Variants in OSBPL10 observed in about 807,000 individuals in gnomAD.
The protein encoded by OSBPL10 is oxysterol binding protein like 10.
Under a neutral mutation model 81.7 loss-of-function variants are expected in OSBPL10, and 49 were observed. The ratio of observed to expected loss-of-function variants is 0.60; its 90% CI spans 0.48 to 0.76. The LOEUF (loss-of-function observed/expected upper bound fraction) is 0.76, where lower values mean the gene tolerates loss of function less well. OSBPL10 is among the 30% of genes least tolerant of loss of function. The pLI is 0.00. For missense variants in OSBPL10, 923 were observed against 987.8 expected, an observed-to-expected ratio of 0.93 and a Z score of 0.88; for synonymous variants, 419 against 383.6, an observed-to-expected ratio of 1.09 and a Z score of -1.08.
intron 7 of OSBPL10, among the ~76,000 whole-genome samples, chr3:31,693,204 C>A (rs1575480044): frequency 6.6e-6 from 1 of 152,146 alleles, no homozygotes; most frequent in South Asian, 2.1e-4. Context: ...TTGTGGGGTT[C>A]ATTTCCAGGA....
At chr3:31,918,740 G>T (rs1354147691) in intron 1 of OSBPL10, among the ~76,000 whole-genome samples, 1 of 152,134 alleles carries the variant, frequency 6.6e-6, no homozygotes, top group African/African-American at 2.4e-5. Context: ...GTGGAATGCA[G>T]GCCCACTACT....
chr3:31,937,362 A>T (rs1489918548), intron 1 of OSBPL10, among the ~76,000 whole-genome samples: 1 of 152,150 alleles, frequency 6.6e-6, no homozygotes, highest in African/African-American at 2.4e-5. Flanking sequence ...ACTCTTGGTT[A>T]TATGGATTTG....
At chr3:31,988,483 C>A (rs1263586610) in intron 2 of OSBPL10, among the ~76,000 whole-genome samples, 1 of 152,180 alleles carries the variant, frequency 6.6e-6, no homozygotes, top group Non-Finnish European at 1.5e-5. Context: ...AGAGGTGAAA[C>A]TTAATTCCTC....
At chr3:31,882,727 C>T (rs1695619588) in intron 1 of OSBPL10, among the ~76,000 whole-genome samples, 1 of 152,126 alleles carries the variant, frequency 6.6e-6, no homozygotes, top group South Asian at 2.1e-4. Flanking sequence ...CTTGGGAGAG[C>T]CTGGGTCCCT....
At chr3:32,032,007 C>G (rs1046498818) in intron 2 of OSBPL10, among the ~76,000 whole-genome samples, 1 of 152,094 alleles carries the variant, frequency 6.6e-6, no homozygotes, top group African/African-American at 2.4e-5. Context: ...TAAGGCTGAC[C>G]AGGCATGGTA....
At chr3:31,929,820 T>C (rs1697184011) in intron 1 of OSBPL10, among the ~76,000 whole-genome samples, 1 of 150,374 alleles carries the variant, frequency 6.7e-6, no homozygotes, top group Non-Finnish European at 1.5e-5. Context: ...ACCGAACAGA[T>C]ACATGGTCAA....
At chr3:31,725,513 A>G (rs532385654) in intron 6 of OSBPL10, among the ~76,000 whole-genome samples, 31 of 152,320 alleles carry the variant, frequency 2.0e-4, no homozygotes, top group African/African-American at 7.2e-4. Flanking sequence ...AAAGATTATA[A>G]TAAGAATTCT....
chr3:32,056,208 G>GT (rs936185409), intron 1 of OSBPL10, among the ~76,000 whole-genome samples: 2 of 152,244 alleles, frequency 1.3e-5, no homozygotes, highest in South Asian at 2.1e-4. Context: ...TTGTTTTTGA[G>GT]TTTTTTTCTG....
intron 2 of OSBPL10, among the ~76,000 whole-genome samples, chr3:32,014,850 T>C (rs939036721): frequency 1.3e-5 from 2 of 152,106 alleles, no homozygotes; most frequent in African/African-American, 4.8e-5. Flanking sequence ...TCACAATTGC[T>C]TCAAAGAGAA....
At position 31,930,003 on chromosome 3, in the gene OSBPL10, C is replaced by CAAACAAAAAAAAAA. The variant is rs1306473764; in HGVS notation, c.282-50174_282-50173insTTTTTTTTTTGTTT. Among the ~76,000 whole-genome samples the CAAACAAAAAAAAAA allele has an allele frequency of 2.8e-4, 20 of 72,562 alleles. 4 individuals are homozygous for CAAACAAAAAAAAAA. The highest frequency in any genetic ancestry group is 0.014 in the Middle Eastern group (1 of 74). 47.6% of individuals were successfully genotyped at this position (72,562 alleles called of 152,430 possible). On this transcript the variant is annotated intron_variant, in intron 1 of 11. Coordinates refer to ENST00000396556, the MANE Select transcript of OSBPL10 (RefSeq NM_017784.5). ...GATCAAGTGAGACCCTGTCACCAACCAAAAAAAAAAAAAAAAAAAAAAACA... is the reference window on the plus strand; with the variant it reads ...GATCAAGTGAGACCCTGTCACCAACCAAACAAAAAAAAAAAAAAAAAAAAAAAAAAAAAAAAACA...
rs572878829 is a variant in OSBPL10, at chr3:32,021,918, T to C, written n.298+24573A>G. Among the ~76,000 whole-genome samples, 19 of 151,196 alleles carry C rather than the reference T, an allele frequency of 1.3e-4. No individual in the cohort carries two copies. In the South Asian group the frequency reaches 3.8e-3, roughly 30 times the overall value. Reference sequence around the variant, plus strand: ...CACCTGAGCCTGAAGAGGTTGAAGCTGCAGTGAGTCATGGTCGTGCTACTG... The same window carrying C: ...CACCTGAGCCTGAAGAGGTTGAAGCCGCAGTGAGTCATGGTCGTGCTACTG... On this transcript the variant is annotated intron_variant and non_coding_transcript_variant, in intron 2 of 3. Transcript: ENST00000479173.
chr3:31,992,553 A>T (rs1443413584), intron 2 of OSBPL10, among the ~76,000 whole-genome samples: 1 of 152,140 alleles, frequency 6.6e-6, no homozygotes, highest in East Asian at 1.9e-4. Context: ...CAGCAAGGAC[A>T]TCACTCCAAT....
rs892098442 is a variant in OSBPL10 at position 31,843,775 on chromosome 3, C to T, written c.538-13544G>A. Among the ~76,000 whole-genome samples, 30 of 152,314 alleles carry T rather than the reference C, an allele frequency of 2.0e-4. 1 individual carries two copies. Among genetic ancestry groups the T allele is most frequent in the Admixed American group, 1.7e-3 (26 of 15,298 alleles). On this transcript the variant is annotated intron_variant, in intron 3 of 11. Coordinates refer to ENST00000396556, the MANE Select transcript of OSBPL10 (RefSeq NM_017784.5). Reference sequence around the variant, plus strand: ...TTTCCAGACAAAGGACCAATCTAGACACTGCAAATAGAGCATATCTAATAA... The same window carrying T: ...TTTCCAGACAAAGGACCAATCTAGATACTGCAAATAGAGCATATCTAATAA...
At chr3:31,826,213 A>G (rs112945654) in intron 4 of OSBPL10, among the ~76,000 whole-genome samples, 1 of 152,246 alleles carries the variant, frequency 6.6e-6, no homozygotes, top group African/African-American at 2.4e-5. Context: ...ACCAGATTGT[A>G]GCAAAAAGAC....
chr3:31,870,542 C>T lies in OSBPL10; in HGVS notation c.537+5891G>A, dbSNP rs923260155. On this transcript the variant is annotated intron_variant, in intron 3 of 11. Transcript: ENST00000396556. ...TGGCAGGCAGCTCCACCTGCAGCCC[C>T]GGTGCGGGATCCACTGGGTGAAGCC... 9.2e-5 allele frequency among the ~76,000 whole-genome samples: 14 copies of T among 152,362 alleles called. No homozygotes were observed. The East Asian group carries it at 9.7e-4, about 11-fold the overall frequency.
chr3:31,905,345 AT>A (rs386396290), intron 1 of OSBPL10, among the ~76,000 whole-genome samples: 1,822 of 94,756 alleles, frequency 0.019, 37 homozygotes, highest in East Asian at 0.055. Context: ...GAACCTGGTG[AT>A]TTTTTTTTTT....
intron 1 of OSBPL10, among the ~76,000 whole-genome samples, chr3:31,916,096 CAA>C (rs1160687382): frequency 0.17 from 13,884 of 82,364 alleles, 604 homozygotes; most frequent in African/African-American, 0.21. Context: ...AACTCCGTCT[CAA>C]AAAAAAAAAA....
chr3:32,003,580 C>T (rs565652013), intron 2 of OSBPL10, among the ~76,000 whole-genome samples: 1 of 152,300 alleles, frequency 6.6e-6, no homozygotes, highest in East Asian at 1.9e-4. Flanking sequence ...ACTGAATATA[C>T]CAGTGGGTGG....
intron 3 of OSBPL10, among the ~76,000 whole-genome samples, chr3:31,865,095 G>A (rs890434686): frequency 7.2e-5 from 11 of 152,222 alleles, no homozygotes; most frequent in African/African-American, 2.7e-4. Context: ...AGGGACAGAA[G>A]GGGTGAGGGA....
Sources: allele counts gnomAD v4.1 joint callset (sites outside exome capture counted in the v4.1 genomes callset), GRCh38; gene constraint gnomAD v4.1.1; transcripts MANE v1.5; gene names NCBI Gene and HGNC (gene_info 2026-07-23, HGNC 2026-07-21).